DVL1: variants seen among roughly 807,000 people sequenced by gnomAD.
DVL1 encodes segment polarity protein dishevelled homolog DVL-1.
DVL1 carries 49 observed loss-of-function variants against 65.0 expected under a neutral mutation model. The observed-to-expected ratio is 0.75, with a 90% CI of 0.60 to 0.96. DVL1 has a LOEUF of 0.96. Among genes scored for constraint, DVL1 ranks in the 40% least tolerant of loss-of-function variants. DVL1 has a pLI of 0.00. For synonymous variants in DVL1, 608 were observed against 433.9 expected (o/e 1.40, Z -4.99); for missense variants, 1,197 against 1,045.4 (o/e 1.15, Z -2.00).
chr1:1,347,347 G>A (rs1446957532), intron 1 of DVL1, among the ~76,000 whole-genome samples: 1 of 152,104 alleles, frequency 6.6e-6, no homozygotes, highest in Non-Finnish European at 1.5e-5. Context: ...CTGTTCCCAG[G>A]CCCGGGCACC....
At chr1:1,337,869 G>T in intron 14 of DVL1, 108 bp downstream of exon 14, 1 of 850,224 alleles carries the variant, frequency 1.2e-6, no homozygotes, top group South Asian at 1.5e-5. Flanking sequence ...GGTGGAGCTG[G>T]GGGTGGAGCA....
chr1:1,342,338 G>A lies in DVL1; in HGVS notation c.362+25C>T, dbSNP rs760254992. The A allele has an allele frequency of 6.5e-6, 10 of 1,549,992 alleles. No individual in the cohort carries two copies. In the East Asian group the frequency reaches 1.2e-4, roughly 19 times the overall value. On this transcript the variant is annotated intron_variant, in intron 3 of 14. Transcript: ENST00000378888. The stretch of plus-strand genomic sequence containing the variant: ...CCCCATGACAGGCTTGGGGTAGCAG[G>A]GCCCAGCGCCCACGGTGTCCTTACT...
intron 11 of DVL1, 129 bp downstream of exon 11, chr1:1,339,158 G>C (rs1643694860): frequency 2.4e-6 from 3 of 1,270,520 alleles, no homozygotes; most frequent in Non-Finnish European, 2.2e-6. Context: ...GTCTGTGCAG[G>C]GAGTTGGGGA....
chr1:1,338,229 T>TGGCCCC, intron 13 of DVL1, 40 bp downstream of exon 13: 111 of 1,521,752 alleles, frequency 7.3e-5, no homozygotes, highest in Non-Finnish European at 9.6e-5. Context: ...CCTCCGGCGT[T>TGGCCCC]CCCCTCCCCC....
At chr1:1,342,880 T>G in intron 1 of DVL1, 122 bp from the exon 2 acceptor site, 1 of 893,664 alleles carries the variant, frequency 1.1e-6, no homozygotes, top group Non-Finnish European at 1.7e-6. Context: ...ACACCCCTGC[T>G]AGCGCATTCT....
In DVL1 at chr1:1,348,126, G is replaced by A. The variant is rs374613767; in HGVS notation, c.170+770C>T. On this transcript the variant is annotated intron_variant, in intron 1 of 14. Transcript: ENST00000378888. ...CTAGGGACTCAGGTTACTGGTGGCT[G>A]GGCCGGGCCAGGCCAGGCCTCAAGC... 1.2e-4 allele frequency among the ~76,000 whole-genome samples: 19 copies of A among 152,340 alleles called. 1 individual carries two copies. Among genetic ancestry groups the A allele is most frequent in the African/African-American group, 3.8e-4 (16 of 41,568 alleles).
At position 1,336,301 on chromosome 1, in the gene DVL1, C is replaced by CG. The variant is rs1030468130; in HGVS notation, c.1928dup (p.Pro644AlafsTer63). 3 of 1,557,080 alleles carry CG rather than the reference C, an allele frequency of 1.9e-6. No individual in the cohort carries two copies. The highest frequency in any genetic ancestry group is 2.3e-5 in the East Asian group (1 of 43,134). On this transcript the variant is annotated frameshift_variant, in exon 15 of 15. Transcript: ENST00000378888. LOFTEE classifies it high-confidence loss of function. ...TATAGGCCTTGGTCGTGGGGTGGGG[C>CG]GGGGGGAGCCCCGGGGCGGTAGCCG...
chr1:1,341,792 A>G lies in DVL1; in HGVS notation c.480T>C (p.Asn160=). 1 of 1,592,568 alleles carries G rather than the reference A, an allele frequency of 6.3e-7. No individual in the cohort carries two copies. Among genetic ancestry groups the G allele is most frequent in the African/African-American group, 1.3e-5 (1 of 74,734 alleles). ...RRNREEAART[N]GHPRGDRRRD... ...GCCGTCGGTCTCCCCTTGGGTGCCCATTGGTCCGGGCGGCTGTGGGGGCAG... is the reference window on the plus strand; with the variant it reads ...GCCGTCGGTCTCCCCTTGGGTGCCCGTTGGTCCGGGCGGCTGTGGGGGCAG... The change falls in exon 5 of 15, where the codon AAT becomes AAC. Residue 160 remains asparagine, a synonymous_variant. Coordinates refer to ENST00000378888, the MANE Select transcript of DVL1 (RefSeq NM_001330311.2).
intron 5 of DVL1, among the ~76,000 whole-genome samples, chr1:1,340,746 G>GCACACATGCACACCTGCA (rs1173621659): frequency 6.6e-6 from 1 of 151,804 alleles, no homozygotes; most frequent in Non-Finnish European, 1.5e-5. Flanking sequence ...TGACACACCT[G>GCACACATGCACACCTGCA]CACACATGCA....
At chr1:1,341,986 G>A (rs1643847628) in intron 4 of DVL1, 67 bp downstream of exon 4, 1 of 1,477,908 alleles carries the variant, frequency 6.8e-7, no homozygotes, top group Non-Finnish European at 9.2e-7. Flanking sequence ...TGCTGTAGTA[G>A]GAACATGGCT....
chr1:1,347,517 C>G (rs1435500599), intron 1 of DVL1, among the ~76,000 whole-genome samples: 1 of 152,240 alleles, frequency 6.6e-6, no homozygotes, highest in Non-Finnish European at 1.5e-5. Context: ...AGGAGCAGAA[C>G]CTGGGGGCTG....
At position 1,340,193 on chromosome 1, in the gene DVL1, T is replaced by C. The variant is rs1280708703; in HGVS notation, c.770-16A>G. 1 of 1,613,620 alleles carries C rather than the reference T, an allele frequency of 6.2e-7. No individual in the cohort carries two copies. Among genetic ancestry groups the C allele is most frequent in the South Asian group, 1.1e-5 (1 of 91,076 alleles). ...TGATGTCTTTCTGCAGGAAGAGCCA[T>C]GAGCCGCGGCCAAGCCCCTGCCCCT... On this transcript the variant is annotated splice_polypyrimidine_tract_variant and intron_variant, in intron 7 of 14. Transcript: ENST00000378888.
chr1:1,336,989 G>A, intron 14 of DVL1: 2 of 991,990 alleles, frequency 2.0e-6, no homozygotes, highest in Non-Finnish European at 2.4e-6. Context: ...GGGACATGCT[G>A]AGGGACCCCG....
In DVL1 at chr1:1,336,046, C is replaced by T. The variant is rs545911108; in HGVS notation, c.*96G>A. 4.8e-6 allele frequency: 7 copies of T among 1,472,994 alleles called. No homozygotes were observed. The highest frequency in any genetic ancestry group is 3.9e-5 in the South Asian group (3 of 77,184). The allele number at this position is 1,472,994 out of a possible 1,614,324, so 91.2% of individuals were successfully genotyped here. A position where few individuals can be genotyped will look rare whatever the true frequency, so the allele number is the denominator to read the frequency against. On this transcript the variant is annotated 3_prime_UTR_variant, in exon 15 of 15. Transcript: ENST00000378888. The stretch of plus-strand genomic sequence containing the variant: ...CCAGCCTGCCCCCCACCCTGCCTCC[C>T]GTCCTGGCCCCCACGAAGGCAAGCC...
chr1:1,338,133 C>T lies in DVL1; in HGVS notation c.1558G>A (p.Asp520Asn), dbSNP rs1643650069. 1 of 1,609,512 alleles carries T rather than the reference C, an allele frequency of 6.2e-7. No individual in the cohort carries two copies. Among genetic ancestry groups the T allele is most frequent in the African/African-American group, 1.3e-5 (1 of 74,978 alleles). ...GGGTGGGGCAGCGGGGCCAGCGTGT[C>T]CTGATCCGAAGTCCCACTGGAGCCA... ...NSGSSGTSDQ[D>N]TLAPLPHPAA... The change falls in exon 14 of 15, where the codon GAC becomes AAC. Residue 520 changes from aspartate (D) to asparagine (N), a missense_variant. By Grantham distance (23) the Asp-to-Asn change is conservative. Transcript: ENST00000378888.
intron 2 of DVL1, 69 bp downstream of exon 2, chr1:1,342,620 C>T: frequency 6.3e-7 from 1 of 1,594,094 alleles, no homozygotes; most frequent in Non-Finnish European, 8.6e-7. Context: ...CCCACCGCCT[C>T]CCCCAGGAAG....
chr1:1,337,438 C>T (rs942896989), intron 14 of DVL1, among the ~76,000 whole-genome samples: 1 of 152,190 alleles, frequency 6.6e-6, no homozygotes, highest in Non-Finnish European at 1.5e-5. Flanking sequence ...ATGCACGGCA[C>T]CATCCACGTC....
chr1:1,341,953 G>A (rs912481633), intron 4 of DVL1, 100 bp downstream of exon 4: 17 of 1,450,778 alleles, frequency 1.2e-5, no homozygotes, highest in South Asian at 1.3e-5. Flanking sequence ...CCCAAGCACC[G>A]CCACTGGCTG....
chr1:1,338,247 G>A (rs746121596), intron 13 of DVL1, 22 bp downstream of exon 13: 1 of 470,270 alleles, frequency 2.1e-6, no homozygotes, highest in South Asian at 1.6e-5. Context: ...CCCCCGCCCT[G>A]AAGCCCGAAG....
Sources: allele counts gnomAD v4.1 joint callset (sites outside exome capture counted in the v4.1 genomes callset), GRCh38; gene constraint gnomAD v4.1.1; transcripts MANE v1.5; gene names NCBI Gene and HGNC (gene_info 2026-07-23, HGNC 2026-07-21).